PARP8: variants seen among roughly 807,000 people sequenced by gnomAD.
PARP8 encodes poly(ADP-ribose) polymerase family member 8.
Under a neutral mutation model 124.1 loss-of-function variants are expected in PARP8, and 51 were observed. The ratio of observed to expected loss-of-function variants is 0.41; its 90% CI spans 0.33 to 0.52. The LOEUF (loss-of-function observed/expected upper bound fraction) is 0.52, where lower values mean the gene tolerates loss of function less well. PARP8 is among the 20% of genes least tolerant of loss of function. The pLI, the probability that PARP8 is intolerant of heterozygous loss-of-function variation, is 0.21. For synonymous variants in PARP8, 391 were observed against 361.5 expected, an observed-to-expected ratio of 1.08 and a Z score of -0.93; for missense variants, 860 against 1,018.9, an observed-to-expected ratio of 0.84 and a Z score of 2.12.
intron 2 of PARP8, among the ~76,000 whole-genome samples, chr5:50,723,448 T>C (rs1756113608): frequency 6.6e-6 from 1 of 152,076 alleles, no homozygotes; most frequent in Non-Finnish European, 1.5e-5. Context: ...TGACTGAGTG[T>C]TTGGATATCA....
intron 15 of PARP8, among the ~76,000 whole-genome samples, chr5:50,817,769 T>A (rs1282241153): frequency 1.3e-5 from 2 of 152,182 alleles, no homozygotes; most frequent in Non-Finnish European, 2.9e-5. Flanking sequence ...TATAGGTGCC[T>A]TTCTTAGTCA....
In PARP8 at chr5:50,774,604, C is replaced by G. The variant is rs539438690; in HGVS notation, c.519-3465C>G. Among the ~76,000 whole-genome samples, 8 of 142,060 alleles carry G rather than the reference C, an allele frequency of 5.6e-5. 1 individual carries two copies. The highest frequency in any genetic ancestry group is 2.1e-4 in the African/African-American group (8 of 37,542). The allele number at this position is 142,060 out of a possible 152,430, so 93.2% of individuals were successfully genotyped here. ...GCTCCTCACCTCCCAGACAGGGCGG[C>G]CGGGCAGAGGCGCTCCTCACTTCCC... On this transcript the variant is annotated intron_variant, in intron 7 of 25. Transcript: ENST00000281631.
intron 2 of PARP8, among the ~76,000 whole-genome samples, chr5:50,715,161 T>C (rs1312412860): frequency 6.6e-6 from 1 of 152,076 alleles, no homozygotes; most frequent in African/African-American, 2.4e-5. Context: ...AAAAGACTGC[T>C]GCAAACAGTA....
At chr5:50,696,663 T>G (rs1342905770) in intron 2 of PARP8, among the ~76,000 whole-genome samples, 1 of 152,162 alleles carries the variant, frequency 6.6e-6, no homozygotes, top group Non-Finnish European at 1.5e-5. Flanking sequence ...TGAAAAGTCT[T>G]TTTTTCCTTT....
intron 21 of PARP8, 23 bp downstream of exon 21, chr5:50,828,407 C>CA (rs1746580612): frequency 6.3e-7 from 1 of 1,586,460 alleles, no homozygotes; most frequent in Admixed American, 1.7e-5. Context: ...AATGCTTTCA[C>CA]AAGACTTCAT....
chr5:50,699,442 A>G (rs1340437810), intron 2 of PARP8, among the ~76,000 whole-genome samples: 2 of 152,176 alleles, frequency 1.3e-5, no homozygotes, highest in Non-Finnish European at 2.9e-5. Context: ...ACACTTTCAT[A>G]TGTTTTTGTT....
At chr5:50,761,022 T>A (rs547294522) in intron 5 of PARP8, among the ~76,000 whole-genome samples, 1 of 152,244 alleles carries the variant, frequency 6.6e-6, no homozygotes, top group South Asian at 2.1e-4. Flanking sequence ...AAACCAGAAA[T>A]GGTTAGAATT....
At chr5:50,805,781 C>T (rs965157204) in intron 14 of PARP8, among the ~76,000 whole-genome samples, 3 of 151,980 alleles carry the variant, frequency 2.0e-5, no homozygotes, top group African/African-American at 7.2e-5. Flanking sequence ...GGAAACAATC[C>T]GTGTACTATT....
intron 2 of PARP8, among the ~76,000 whole-genome samples, chr5:50,712,318 C>T (rs1403754593): frequency 6.6e-6 from 1 of 152,050 alleles, no homozygotes; most frequent in Non-Finnish European, 1.5e-5. Flanking sequence ...TGTTTCCCTA[C>T]AATAAATATG....
At chr5:50,775,879 C>T (rs1289089503) in intron 7 of PARP8, among the ~76,000 whole-genome samples, 2 of 152,010 alleles carry the variant, frequency 1.3e-5, no homozygotes, top group African/African-American at 4.8e-5. Flanking sequence ...AATTGGATAT[C>T]CTTTATTTCT....
At chr5:50,755,184 A>G (rs1292082149) in intron 3 of PARP8, among the ~76,000 whole-genome samples, 2 of 152,108 alleles carry the variant, frequency 1.3e-5, no homozygotes, top group African/African-American at 4.8e-5. Flanking sequence ...CTTTAGTTTA[A>G]TTAGATCCCA....
At position 50,842,013 on chromosome 5, in the gene PARP8, G is replaced by A; in HGVS notation, c.2510G>A (p.Gly837Glu). ...VGDANINTQE[G>E]GIHKEILRVI... ...GATGCAAATATTAATACACAAGAAG[G>A]AGGCATTCACAAAGAGATCCTCCGA... The change falls in exon 26 of 26, where the codon GGA becomes GAA. Residue 837 changes from glycine (G) to glutamate (E), a missense_variant. Transcript: ENST00000281631. 1 of 1,606,214 alleles carries A rather than the reference G, an allele frequency of 6.2e-7. No homozygotes were observed. The highest frequency in any genetic ancestry group is 8.5e-7 in the Non-Finnish European group (1 of 1,175,738).
intron 2 of PARP8, among the ~76,000 whole-genome samples, chr5:50,671,669 T>C (rs1750035231): frequency 6.6e-6 from 1 of 152,152 alleles, no homozygotes; most frequent in African/African-American, 2.4e-5. Context: ...ATTGTATTAA[T>C]ACTCTTTTGA....
chr5:50,745,222 T>C (rs982961399), intron 2 of PARP8, among the ~76,000 whole-genome samples: 3 of 152,194 alleles, frequency 2.0e-5, no homozygotes, highest in Non-Finnish European at 4.4e-5. Context: ...ATGAGGACAA[T>C]ACGACCATAA....
At chr5:50,753,297 G>A (rs1408529038) in intron 3 of PARP8, among the ~76,000 whole-genome samples, 3 of 151,964 alleles carry the variant, frequency 2.0e-5, no homozygotes, top group African/African-American at 7.3e-5. Context: ...GAGGAATGAA[G>A]GGATACTTTC....
intron 2 of PARP8, among the ~76,000 whole-genome samples, chr5:50,706,318 G>A (rs190332637): frequency 1.3e-4 from 20 of 151,796 alleles, no homozygotes; most frequent in African/African-American, 4.6e-4. Context: ...ATTTTTTTCT[G>A]AGTAAATTTT....
chr5:50,666,803 G>A lies in PARP8; in HGVS notation c.-293G>A, dbSNP rs1217044268. ...GCGGGTGAGGGAGAAAGTGAGACTTGGTGTCATCACCATCCATTGTCAGAA... is the reference window on the plus strand; with the variant it reads ...GCGGGTGAGGGAGAAAGTGAGACTTAGTGTCATCACCATCCATTGTCAGAA... On this transcript the variant is annotated 5_prime_UTR_variant, in exon 1 of 26. Transcript: ENST00000281631. The A allele has an allele frequency of 1.8e-6, 2 of 1,136,376 alleles. No individual in the cohort carries two copies. The highest frequency in any genetic ancestry group is 9.4e-5 in the East Asian group (2 of 21,166). The allele number at this position is 1,136,376 out of a possible 1,614,324, so 70.4% of individuals were successfully genotyped here.
intron 2 of PARP8, among the ~76,000 whole-genome samples, chr5:50,681,997 T>C (rs373696995): frequency 2.0e-5 from 3 of 152,328 alleles, no homozygotes; most frequent in East Asian, 1.9e-4. Flanking sequence ...TTTTGGTTGG[T>C]TTAAAACCTT....
In PARP8 at chr5:50,845,429, T is replaced by C. The variant is rs1748541942; in HGVS notation, c.*3361T>C. On this transcript the variant is annotated 3_prime_UTR_variant, in exon 26 of 26. Transcript: ENST00000281631. Reference sequence around the variant, plus strand: ...TTCATGGTGGCATTTGAAGCACATTTTGCAAACATTATGATGTTCTATTGT... The same window carrying C: ...TTCATGGTGGCATTTGAAGCACATTCTGCAAACATTATGATGTTCTATTGT... The C allele has an allele frequency of 6.6e-6, 1 of 151,872 alleles. No individual in the cohort carries two copies. Among genetic ancestry groups the C allele is most frequent in the East Asian group, 1.9e-4 (1 of 5,164 alleles). 9.4% of individuals were successfully genotyped at this position (151,872 alleles called of 1,614,324 possible). A position where few individuals can be genotyped will look rare whatever the true frequency, so the allele number is the denominator to read the frequency against.
Sources: allele counts gnomAD v4.1 joint callset (sites outside exome capture counted in the v4.1 genomes callset), GRCh38; gene constraint gnomAD v4.1.1; transcripts MANE v1.5; gene names NCBI Gene and HGNC (gene_info 2026-07-23, HGNC 2026-07-21).